NUDT3: variants seen among roughly 807,000 people sequenced by gnomAD.
The protein encoded by NUDT3 is diphosphoinositol polyphosphate phosphohydrolase 1.
NUDT3 carries 9 observed loss-of-function variants against 23.6 expected under a neutral mutation model. That is an observed-to-expected ratio of 0.38 (90% CI 0.23 to 0.66). The LOEUF is 0.66. Among genes scored for constraint, NUDT3 ranks in the 30% least tolerant of loss-of-function variants. The probability of loss-of-function intolerance (pLI) is 0.52; values close to 1 mark genes in which losing one functional copy is unlikely to be tolerated. For missense variants in NUDT3, 172 were observed against 218.5 expected, an observed-to-expected ratio of 0.79 and a Z score of 1.34; for synonymous variants, 86 against 82.6, an observed-to-expected ratio of 1.04 and a Z score of -0.22.
chr6:34,289,845 C>G (rs944465872), intron 4 of NUDT3, among the ~76,000 whole-genome samples: 6 of 152,180 alleles, frequency 3.9e-5, no homozygotes, highest in African/African-American at 1.4e-4. Context: ...AAACCACTCT[C>G]AATACCCTAG....
At chr6:34,317,686 CTTATT>C (rs1226999937) in intron 2 of NUDT3, among the ~76,000 whole-genome samples, 3 of 152,052 alleles carry the variant, frequency 2.0e-5, no homozygotes, top group Non-Finnish European at 2.9e-5. Flanking sequence ...AATGATTATC[CTTATT>C]TTAAGTTTTA....
At chr6:34,327,833 G>T (rs547235556) in intron 2 of NUDT3, among the ~76,000 whole-genome samples, 5 of 152,108 alleles carry the variant, frequency 3.3e-5, no homozygotes, top group Non-Finnish European at 5.9e-5. Context: ...CTTCCCAGGC[G>T]CTGGCATTAC....
At chr6:34,369,237 T>C (rs1370266691) in intron 1 of NUDT3, among the ~76,000 whole-genome samples, 1 of 152,194 alleles carries the variant, frequency 6.6e-6, no homozygotes, top group Non-Finnish European at 1.5e-5. Flanking sequence ...GAAAAATATA[T>C]AATGAAGACT....
chr6:34,324,194 A>G (rs1763988222), intron 2 of NUDT3, among the ~76,000 whole-genome samples: 3 of 152,136 alleles, frequency 2.0e-5, no homozygotes, highest in Admixed American at 1.3e-4. Flanking sequence ...TCTCTACTAA[A>G]GATACAAAAT....
chr6:34,340,061 T>C (rs1764266034), intron 2 of NUDT3, among the ~76,000 whole-genome samples: 1 of 152,024 alleles, frequency 6.6e-6, no homozygotes, highest in South Asian at 2.1e-4. Flanking sequence ...TTGGGGAAAA[T>C]TTCTTTTCTC....
chr6:34,334,977 GA>G (rs1228280620), intron 2 of NUDT3, among the ~76,000 whole-genome samples: 1 of 150,276 alleles, frequency 6.7e-6, no homozygotes, highest in South Asian at 2.1e-4. Context: ...GGGAGAGAAA[GA>G]AAGAGAGAGA....
intron 1 of NUDT3, among the ~76,000 whole-genome samples, chr6:34,349,038 T>C (rs1021857659): frequency 6.6e-6 from 1 of 152,064 alleles, no homozygotes; most frequent in African/African-American, 2.4e-5. Flanking sequence ...AAATAATATA[T>C]TTATTAACCA....
intron 3 of NUDT3, 99 bp from the exon 4 acceptor site, chr6:34,293,634 A>G: frequency 7.3e-7 from 1 of 1,379,300 alleles, no homozygotes. Context: ...GAGAGCTCAG[A>G]CACAAAGATT....
chr6:34,344,381 T>G (rs1175903708), intron 1 of NUDT3, among the ~76,000 whole-genome samples: 4 of 152,268 alleles, frequency 2.6e-5, no homozygotes, highest in African/African-American at 9.6e-5. Context: ...GAATTACTGA[T>G]AGATGCTACA....
intron 4 of NUDT3, among the ~76,000 whole-genome samples, chr6:34,291,563 T>G (rs545448234): frequency 2.9e-4 from 44 of 152,090 alleles, no homozygotes; most frequent in Non-Finnish European, 5.0e-4. Context: ...AGTGCATTGG[T>G]GTATTCTTGG....
chr6:34,374,623 G>GT (rs1257997626), intron 1 of NUDT3, among the ~76,000 whole-genome samples: 2 of 152,040 alleles, frequency 1.3e-5, no homozygotes, highest in Admixed American at 6.6e-5. Context: ...CTTTCGCACT[G>GT]TGTCTGACTT....
intron 1 of NUDT3, among the ~76,000 whole-genome samples, chr6:34,382,017 G>A (rs545464145): frequency 5.7e-5 from 8 of 139,508 alleles, no homozygotes; most frequent in Non-Finnish European, 1.2e-4. Context: ...GGGTTGCAGC[G>A]AGCCAAGATC....
In NUDT3 at chr6:34,328,716, C is replaced by T. The variant is rs145960397; in HGVS notation, c.210+13146G>A. 2.0e-3 allele frequency among the ~76,000 whole-genome samples: 312 copies of T among 152,240 alleles called. 3 individuals are homozygous for T. The highest frequency in any genetic ancestry group is 7.2e-3 in the African/African-American group (299 of 41,542). The stretch of plus-strand genomic sequence containing the variant: ...TTACTGTCAACTGCCTGTCCCCTTC[C>T]TGACAAGTTTATGAGCCGGAGACCC... On this transcript the variant is annotated intron_variant, in intron 2 of 4. Transcript: ENST00000607016.
intron 2 of NUDT3, among the ~76,000 whole-genome samples, chr6:34,339,851 A>T (rs1200398408): frequency 6.6e-6 from 1 of 152,254 alleles, no homozygotes; most frequent in East Asian, 1.9e-4. Flanking sequence ...AATTTCTAAC[A>T]AAATAAACAT....
At chr6:34,311,477 T>A (rs1351055682) in intron 2 of NUDT3, among the ~76,000 whole-genome samples, 2 of 152,196 alleles carry the variant, frequency 1.3e-5, no homozygotes, top group African/African-American at 4.8e-5. Flanking sequence ...ATAGGAAGAC[T>A]CAACATTATT....
chr6:34,360,268 A>AAAAACAAAAC (rs570654012), intron 1 of NUDT3, among the ~76,000 whole-genome samples: 5 of 150,986 alleles, frequency 3.3e-5, no homozygotes, highest in Non-Finnish European at 5.9e-5. Flanking sequence ...AGCTAAAAAC[A>AAAAACAAAAC]AAAACAAAAC....
intron 1 of NUDT3, among the ~76,000 whole-genome samples, chr6:34,351,106 C>A (rs604332): frequency 7.4e-6 from 1 of 134,538 alleles, no homozygotes; most frequent in Admixed American, 7.9e-5. Flanking sequence ...TCCCAGCACT[C>A]TGGGAGGCTG....
intron 1 of NUDT3, among the ~76,000 whole-genome samples, chr6:34,386,503 G>C (rs1380554195): frequency 6.6e-6 from 1 of 151,938 alleles, no homozygotes; most frequent in Non-Finnish European, 1.5e-5. Context: ...CAATAAATTT[G>C]CTATGTTGAC....
intron 2 of NUDT3, among the ~76,000 whole-genome samples, chr6:34,301,508 C>T (rs1763596691): frequency 6.6e-6 from 1 of 152,236 alleles, no homozygotes; most frequent in Non-Finnish European, 1.5e-5. Context: ...GGAACTCTGC[C>T]ATCGGCATAT....
Sources: gnomAD v4.1 joint callset for allele counts (sites outside exome capture counted in the v4.1 genomes callset) on GRCh38, gnomAD v4.1.1 for gene constraint, MANE v1.5 for transcripts, NCBI Gene and HGNC (gene_info 2026-07-23, HGNC 2026-07-21) for gene names.